The following TNPO3 variants were observed in gnomAD, a reference collection of about 807,000 sequenced individuals.
TNPO3 encodes the protein transportin-3.
In TNPO3, 65 loss-of-function variants were observed where a neutral mutation model predicts 122.8. The ratio of observed to expected loss-of-function variants is 0.53; its 90% confidence interval spans 0.43 to 0.65. The LOEUF is 0.65. Ranked by LOEUF, TNPO3 falls within the 30% of genes least tolerant of loss-of-function variation. The pLI is 0.00. For synonymous variants in TNPO3, 372 were observed against 411.2 expected (o/e 0.90, Z 1.15); for missense variants, 850 against 1,136.7 (o/e 0.75, Z 3.63).
chr7:129,024,128 A>T lies in TNPO3; in HGVS notation c.121-5971T>A, dbSNP rs1804841705. The stretch of plus-strand genomic sequence containing the variant: ...TGACATTCTGGGACTTTCAAGGTTA[A>T]GTCAAAGGAATCTTTGGAGCTTCTG... On this transcript the variant is annotated intron_variant, in intron 1 of 22. Coordinates refer to ENST00000265388, the MANE Select transcript of TNPO3 (RefSeq NM_012470.4). Among the ~76,000 whole-genome samples, 3 of 152,354 alleles carry T rather than the reference A, an allele frequency of 2.0e-5. No individual in the cohort carries two copies. The South Asian group carries it at 6.2e-4, about 32-fold the overall frequency.
rs3847098 is a variant in TNPO3 at position 128,955,095 on chromosome 7, T to C, written c.*322A>G. 0.32 allele frequency: 101,949 copies of C among 323,124 alleles called. 17,689 individuals carry two copies. Among genetic ancestry groups the C allele is most frequent in the Middle Eastern group, 0.36 (317 of 874 alleles). 20.0% of individuals were successfully genotyped at this position (323,124 alleles called of 1,614,324 possible). Reference sequence around the variant, plus strand: ...GTTTCTGTTTAGTCTTCCTTTTTTTTCTTTTTTCTTTACTTAAAATTATTT... The same window carrying C: ...GTTTCTGTTTAGTCTTCCTTTTTTTCCTTTTTTCTTTACTTAAAATTATTT... On this transcript the variant is annotated 3_prime_UTR_variant, in exon 23 of 23. Transcript: ENST00000265388.
At chr7:129,009,748 T>C (rs1425587075) in intron 4 of TNPO3, among the ~76,000 whole-genome samples, 1 of 152,224 alleles carries the variant, frequency 6.6e-6, no homozygotes, top group Admixed American at 6.5e-5. Flanking sequence ...CAGGCCACAG[T>C]CTGAGCACCA....
chr7:129,027,293 G>A (rs1258186337), intron 1 of TNPO3, among the ~76,000 whole-genome samples: 2 of 152,040 alleles, frequency 1.3e-5, no homozygotes, highest in African/African-American at 4.8e-5. Context: ...AGGCACAGTG[G>A]CTCACACCTA....
intron 1 of TNPO3, among the ~76,000 whole-genome samples, chr7:129,036,875 T>C (rs1394650761): frequency 6.6e-6 from 1 of 151,814 alleles, no homozygotes; most frequent in Non-Finnish European, 1.5e-5. Context: ...AAACAGCAAA[T>C]CAGACAACTG....
chr7:128,961,681 A>G (rs551603746), intron 21 of TNPO3, among the ~76,000 whole-genome samples: 7 of 152,118 alleles, frequency 4.6e-5, no homozygotes, highest in African/African-American at 1.7e-4. Flanking sequence ...TCCTTCCACC[A>G]TATTTCTGAA....
chr7:128,974,410 G>A (rs1473862239), intron 18 of TNPO3, among the ~76,000 whole-genome samples: 1 of 151,138 alleles, frequency 6.6e-6, no homozygotes, highest in Admixed American at 6.6e-5. Flanking sequence ...GATAAAGTAG[G>A]CTGTGAGTAG....
chr7:128,956,043 A>C (rs147671331), intron 22 of TNPO3, among the ~76,000 whole-genome samples: 3 of 152,228 alleles, frequency 2.0e-5, no homozygotes, highest in Non-Finnish European at 2.9e-5. Flanking sequence ...GCCCTGACAC[A>C]CAGTAAGGGC....
intron 1 of TNPO3, among the ~76,000 whole-genome samples, chr7:129,049,853 A>G (rs183836328): frequency 7.9e-5 from 12 of 152,282 alleles, no homozygotes; most frequent in African/African-American, 2.4e-4. Context: ...CAAACTATTC[A>G]TGTTGCAAAA....
Position 129,017,030 on chromosome 7 carries a change from G to A in TNPO3, c.348C>T (p.Ala116=), listed in dbSNP as rs570275755. 6.2e-7 allele frequency: 1 copy of A among 1,612,614 alleles called. No homozygotes were observed. Among genetic ancestry groups the A allele is most frequent in the South Asian group, 1.1e-5 (1 of 91,072 alleles). Reference sequence around the variant, plus strand: ...ATCCCTTCCAGGAAGGCATCTGTAGGGCAAGATCTGCTATTGCTAAAGCCA... The same window carrying A: ...ATCCCTTCCAGGAAGGCATCTGTAGAGCAAGATCTGCTATTGCTAAAGCCA... ...TQLALAIADL[A]LQMPSWKGCV... Residue 116 remains alanine (A), a synonymous_variant, in exon 3 of 23, where the codon GCC becomes GCT. Transcript: ENST00000265388.
chr7:128,987,346 T>C (rs972052984), intron 11 of TNPO3, among the ~76,000 whole-genome samples: 1 of 152,236 alleles, frequency 6.6e-6, no homozygotes, highest in Non-Finnish European at 1.5e-5. Context: ...GATAGTTGTC[T>C]AAAGCTGAAA....
intron 7 of TNPO3, 109 bp from the exon 8 acceptor site, chr7:128,997,644 T>A: frequency 1.0e-6 from 1 of 963,212 alleles, no homozygotes; most frequent in Non-Finnish European, 1.5e-6. Context: ...TTAAATAATA[T>A]GAGTGGAGCC....
chr7:128,972,544 T>A lies in TNPO3; in HGVS notation c.2312A>T (p.Gln771Leu), dbSNP rs748667781. 13 of 1,614,058 alleles carry A rather than the reference T, an allele frequency of 8.1e-6. No homozygotes were observed. The East Asian group carries it at 2.5e-4, about 30-fold the overall frequency. The change falls in exon 19 of 23, where the codon CAA (glutamine) becomes CTA (leucine). Residue 771 changes from glutamine (Q) to leucine (L), a missense_variant. Gln to Leu is a moderately radical substitution (Grantham distance 113). Coordinates refer to ENST00000265388, the MANE Select transcript of TNPO3 (RefSeq NM_012470.4). ...CCACTGTAAGATAGGGATGACCACT[T>A]GGCTCCGCAGCAAGGTGACAGGGCT... ...QRSPVTLLRS[Q>L]VVIPILQWAI...
intron 5 of TNPO3, among the ~76,000 whole-genome samples, chr7:129,003,296 G>GTTTTTTTTT (rs1299743179): frequency 9.3e-6 from 1 of 107,734 alleles, no homozygotes. Context: ...TAATTTTTAG[G>GTTTTTTTTT]GTTTTTTTTT....
At chr7:129,034,586 T>C (rs948907135) in intron 1 of TNPO3, among the ~76,000 whole-genome samples, 2 of 150,702 alleles carry the variant, frequency 1.3e-5, no homozygotes, top group African/African-American at 4.9e-5. Flanking sequence ...AAGAGATCTG[T>C]CCCTGTCATA....
intron 4 of TNPO3, among the ~76,000 whole-genome samples, chr7:129,005,493 G>A (rs1802472520): frequency 6.6e-6 from 1 of 152,128 alleles, no homozygotes; most frequent in Non-Finnish European, 1.5e-5. Flanking sequence ...TGTTAGAGGA[G>A]GGTTCTGGTG....
chr7:129,021,888 CAT>C (rs1804559793), intron 1 of TNPO3, among the ~76,000 whole-genome samples: 1 of 151,866 alleles, frequency 6.6e-6, no homozygotes. Context: ...AGGAATTTCA[CAT>C]GTGACTAAAC....
chr7:128,995,409 G>A (rs1250598359), intron 8 of TNPO3, among the ~76,000 whole-genome samples: 1 of 152,188 alleles, frequency 6.6e-6, no homozygotes, highest in African/African-American at 2.4e-5. Flanking sequence ...GTACTATTGA[G>A]AATTGCTAAT....
Position 128,997,564 on chromosome 7 carries a change from G to A in TNPO3, c.1012-29C>T, listed in dbSNP as rs751817601. The A allele has an allele frequency of 9.5e-6, 15 of 1,583,578 alleles. No individual in the cohort carries two copies. The African/African-American group carries it at 1.6e-4, about 17-fold the overall frequency. On this transcript the variant is annotated intron_variant, in intron 7 of 22. Coordinates refer to ENST00000265388, the MANE Select transcript of TNPO3 (RefSeq NM_012470.4). ...TTAGGTTAAAAGAGATGATTTATTT[G>A]AATGGGAAAGGAATAGAATAAGAAG...
chr7:128,957,087 A>G (rs1796972251), intron 22 of TNPO3, 137 bp downstream of exon 22: 1 of 731,088 alleles, frequency 1.4e-6, no homozygotes, highest in East Asian at 2.7e-5. Context: ...GCTGTTCACC[A>G]CAGTTAAACT....
Sources: gnomAD v4.1 joint callset for allele counts (sites outside exome capture counted in the v4.1 genomes callset) on GRCh38, gnomAD v4.1.1 for gene constraint, MANE v1.5 for transcripts, NCBI Gene and HGNC (gene_info 2026-07-23, HGNC 2026-07-21) for gene names.